CNNM2: variants seen among roughly 807,000 people sequenced by gnomAD.
The protein encoded by CNNM2 is metal transporter CNNM2.
Under a neutral mutation model 66.9 loss-of-function variants are expected in CNNM2, and 12 were observed. That is an observed-to-expected ratio of 0.18 (90% CI 0.11 to 0.29). The LOEUF is 0.29. Among genes scored for constraint, CNNM2 ranks in the 10% least tolerant of loss-of-function variants. The pLI is 1.00. For missense variants in CNNM2, 705 were observed against 1,167.7 expected (o/e 0.60, Z 5.77); for synonymous variants, 557 against 501.8 (o/e 1.11, Z -1.47).
At chr10:103,020,065 A>T (rs1331384087) in intron 1 of CNNM2, among the ~76,000 whole-genome samples, 1 of 152,078 alleles carries the variant, frequency 6.6e-6, no homozygotes, top group Non-Finnish European at 1.5e-5. Flanking sequence ...TATGTCAGTG[A>T]GTTCAACTCT....
chr10:102,975,469 G>A (rs183899803), intron 1 of CNNM2, among the ~76,000 whole-genome samples: 759 of 119,110 alleles, frequency 6.4e-3, no homozygotes, highest in Middle Eastern at 0.014. Flanking sequence ...GATGGAATTA[G>A]AAAAAAAAAA....
chr10:103,045,592 C>T (rs1727931108), intron 1 of CNNM2, among the ~76,000 whole-genome samples: 1 of 151,614 alleles, frequency 6.6e-6, no homozygotes, highest in Admixed American at 6.6e-5. Context: ...GCACCCCACC[C>T]CCCGCCACCG....
At chr10:103,043,345 C>G (rs928880417) in intron 1 of CNNM2, among the ~76,000 whole-genome samples, 3 of 152,222 alleles carry the variant, frequency 2.0e-5, no homozygotes, top group African/African-American at 7.2e-5. Flanking sequence ...ATTCCATCGA[C>G]TTTCTTCCTT....
intron 1 of CNNM2, among the ~76,000 whole-genome samples, chr10:102,989,929 A>T (rs1232060892): frequency 6.6e-6 from 1 of 151,338 alleles, no homozygotes; most frequent in Non-Finnish European, 1.5e-5. Flanking sequence ...ACAGCCTCTT[A>T]CTTTTCATAT....
intron 2 of CNNM2, 108 bp downstream of exon 2, chr10:103,049,958 CATG>C: frequency 9.1e-7 from 1 of 1,096,668 alleles, no homozygotes; most frequent in Non-Finnish European, 1.3e-6. Context: ...TATAATGACA[CATG>C]ATGTGTGTAG....
chr10:103,047,938 G>GTT (rs1207585322), intron 1 of CNNM2, among the ~76,000 whole-genome samples: 1 of 150,842 alleles, frequency 6.6e-6, no homozygotes, highest in Admixed American at 6.6e-5. Flanking sequence ...TTTCTTTTTT[G>GTT]TTGAGACAGA....
chr10:103,079,749 C>G lies in CNNM2; in HGVS notation c.*2569C>G, dbSNP rs1462580635. ...TATTCTTTACCTTCTGTTAGTCACA[C>G]TATTTTATAACATTAGGGAATCTAA... On this transcript the variant is annotated 3_prime_UTR_variant, in exon 8 of 8. Coordinates refer to ENST00000369878, the MANE Select transcript of CNNM2 (RefSeq NM_017649.5). The G allele has an allele frequency of 1.3e-5, 2 of 152,212 alleles. No individual in the cohort carries two copies. The highest frequency in any genetic ancestry group is 2.4e-5 in the African/African-American group (1 of 41,444). 9.4% of individuals were successfully genotyped at this position (152,212 alleles called of 1,614,324 possible). A position where few individuals can be genotyped will look rare whatever the true frequency, so the allele number is the denominator to read the frequency against.
At chr10:103,015,051 C>T (rs1281778866) in intron 1 of CNNM2, among the ~76,000 whole-genome samples, 2 of 152,142 alleles carry the variant, frequency 1.3e-5, no homozygotes, top group South Asian at 2.1e-4. Flanking sequence ...GAATTTTAAA[C>T]ATTTGAAAAA....
At chr10:103,005,200 C>T (rs1564841706) in intron 1 of CNNM2, among the ~76,000 whole-genome samples, 1 of 152,084 alleles carries the variant, frequency 6.6e-6, no homozygotes, top group South Asian at 2.1e-4. Flanking sequence ...AGACCTGAGC[C>T]ACTGTGTCTG....
intron 1 of CNNM2, among the ~76,000 whole-genome samples, chr10:103,026,417 C>A (rs773106544): frequency 6.6e-6 from 1 of 151,702 alleles, no homozygotes; most frequent in Non-Finnish European, 1.5e-5. Context: ...CTGGGAAACA[C>A]GGCAAAACTG....
chr10:102,924,570 C>A (rs1450262551), intron 1 of CNNM2, among the ~76,000 whole-genome samples: 2 of 151,976 alleles, frequency 1.3e-5, no homozygotes, highest in Admixed American at 6.6e-5. Flanking sequence ...ATATTAAACA[C>A]ATTTTTTTCT....
intron 6 of CNNM2, among the ~76,000 whole-genome samples, chr10:103,074,751 C>T (rs2065660167): frequency 6.6e-6 from 1 of 152,094 alleles, no homozygotes; most frequent in African/African-American, 2.4e-5. Context: ...GGAGGATCCC[C>T]TGAGCCCAGG....
At chr10:103,072,974 C>T (rs1337928723) in intron 6 of CNNM2, among the ~76,000 whole-genome samples, 1 of 152,222 alleles carries the variant, frequency 6.6e-6, no homozygotes, top group Non-Finnish European at 1.5e-5. Flanking sequence ...TCTCTCTGGC[C>T]CCCAAGGGCT....
At chr10:103,072,534 C>T (rs1233872163) in intron 6 of CNNM2, among the ~76,000 whole-genome samples, 1 of 151,944 alleles carries the variant, frequency 6.6e-6, no homozygotes, top group Non-Finnish European at 1.5e-5. Context: ...CAGGCGACCC[C>T]GCTTCTCCCT....
chr10:103,057,336 G>A (rs2065311949), intron 4 of CNNM2, among the ~76,000 whole-genome samples: 1 of 152,048 alleles, frequency 6.6e-6, no homozygotes, highest in African/African-American at 2.4e-5. Flanking sequence ...GGATGTGGTG[G>A]CATGCACCTG....
At chr10:103,017,099 T>C (rs1367012201) in intron 1 of CNNM2, among the ~76,000 whole-genome samples, 4 of 152,176 alleles carry the variant, frequency 2.6e-5, no homozygotes, top group African/African-American at 9.7e-5. Context: ...CCAACAATAC[T>C]TGGAAAGGTT....
intron 1 of CNNM2, among the ~76,000 whole-genome samples, chr10:102,938,219 C>A (rs1164301038): frequency 6.6e-6 from 1 of 150,546 alleles, no homozygotes; most frequent in African/African-American, 2.4e-5. Flanking sequence ...GTGGATTGCT[C>A]AAGATCAGGA....
intron 1 of CNNM2, among the ~76,000 whole-genome samples, chr10:103,048,919 G>T (rs374399394): frequency 2.0e-5 from 3 of 151,984 alleles, no homozygotes; most frequent in Non-Finnish European, 4.4e-5. Flanking sequence ...GCAGTGGCTC[G>T]ATCATAGCTC....
rs1402702416 is a variant in CNNM2, at chr10:102,919,205, A to G, written c.725A>G (p.Lys242Arg). 1.2e-6 allele frequency: 2 copies of G among 1,612,670 alleles called. No individual in the cohort carries two copies. Among genetic ancestry groups the G allele is most frequent in the East Asian group, 4.5e-5 (2 of 44,862 alleles). ...ATTTACCACGACGGCGAGGACACCA[A>G]GATGATCGTAGGCGAAGAGAAGAAG... ...TWIYHDGEDT[K>R]MIVGEEKKFL... The change falls in exon 1 of 8, where the codon AAG becomes AGG. Residue 242 changes from lysine (K) to arginine (R), a missense_variant. Around this residue, in one of 9 missense-constraint regions of CNNM2, gnomAD observed 49 missense variants for 183.7 expected, o/e 0.27. Coordinates refer to ENST00000369878, the MANE Select transcript of CNNM2 (RefSeq NM_017649.5).
Sources: allele counts gnomAD v4.1 joint callset (sites outside exome capture counted in the v4.1 genomes callset), GRCh38; gene constraint gnomAD v4.1.1; regional missense constraint gnomAD v4.1.1; transcripts MANE v1.5; gene names NCBI Gene and HGNC (gene_info 2026-07-23, HGNC 2026-07-21).